The following ZFYVE27 variants were observed in gnomAD, a reference collection of about 807,000 sequenced individuals.
The protein encoded by ZFYVE27 is protrudin.
Under a neutral mutation model 52.8 loss-of-function variants are expected in ZFYVE27, and 36 were observed. The ratio of observed to expected loss-of-function variants is 0.68; its 90% confidence interval spans 0.52 to 0.90. ZFYVE27 has a LOEUF of 0.90. Among genes scored for constraint, ZFYVE27 ranks in the 40% least tolerant of loss-of-function variants. The pLI, the probability that ZFYVE27 is intolerant of heterozygous loss-of-function variation, is 0.00. For synonymous variants in ZFYVE27, 223 were observed against 215.6 expected (o/e 1.03, Z -0.30); for missense variants, 450 against 527.2 (o/e 0.85, Z 1.43).
chr10:97,742,903 G>A (rs879939238), intron 2 of ZFYVE27, among the ~76,000 whole-genome samples, 191 bp from the exon 3 acceptor site: 1 of 152,116 alleles, frequency 6.6e-6, no homozygotes, highest in Admixed American at 6.5e-5. Context: ...CTCACCCCAG[G>A]TGCTAATGTG....
chr10:97,738,719 G>T (rs369781380), intron 2 of ZFYVE27, 45 bp downstream of exon 2: 42 of 1,606,900 alleles, frequency 2.6e-5, no homozygotes, highest in Admixed American at 6.7e-5. Context: ...GCCTTCTGCC[G>T]TCCTGCTCTG....
Position 97,757,721 on chromosome 10 carries a change from C to T in ZFYVE27, c.1169C>T (p.Thr390Ile). Residue 390 changes from threonine (T) to isoleucine (I), a missense_variant and splice_region_variant, in exon 12 of 13, where the codon ACA becomes ATA. By Grantham distance (89) the Thr-to-Ile change is moderately conservative. Coordinates refer to ENST00000684270, the MANE Select transcript of ZFYVE27 (RefSeq NM_001385875.1). ...FKVPKSSMGA[T>I]APEAQRETVF... ...GTGCCCAAGTCCTCCATGGGGGCCACAGGTGAGTGGTGCAGGTGGTGGGAG... is the reference window on the plus strand; with the variant it reads ...GTGCCCAAGTCCTCCATGGGGGCCATAGGTGAGTGGTGCAGGTGGTGGGAG... 1.9e-6 allele frequency: 3 copies of T among 1,614,222 alleles called. No individual in the cohort carries two copies. The highest frequency in any genetic ancestry group is 2.5e-6 in the Non-Finnish European group (3 of 1,180,032).
At chr10:97,752,911 G>C (rs1243924625) in intron 9 of ZFYVE27, 34 bp downstream of exon 9, 1 of 1,613,510 alleles carries the variant, frequency 6.2e-7, no homozygotes, top group Non-Finnish European at 8.5e-7. Context: ...GGCAGGGGCT[G>C]GGCTGGGGAG....
chr10:97,743,228 G>A (rs1590014146), intron 3 of ZFYVE27, 64 bp downstream of exon 3: 1 of 1,563,614 alleles, frequency 6.4e-7, no homozygotes, highest in East Asian at 2.2e-5. Flanking sequence ...ACACCTGGAT[G>A]CAGCCCCACC....
chr10:97,757,555 G>A (rs757011638), intron 11 of ZFYVE27, 87 bp from the exon 12 acceptor site: 15 of 1,460,594 alleles, frequency 1.0e-5, no homozygotes, highest in East Asian at 6.8e-5. Context: ...TCCTTGGGTG[G>A]GATCAGCTGG....
intron 6 of ZFYVE27, among the ~76,000 whole-genome samples, chr10:97,749,870 G>A (rs941994446): frequency 6.6e-6 from 1 of 152,198 alleles, no homozygotes; most frequent in African/African-American, 2.4e-5. Context: ...TGGAAGATGA[G>A]GGAAGGATGT....
At chr10:97,750,008 T>C in intron 6 of ZFYVE27, 1 of 427,798 alleles carries the variant, frequency 2.3e-6, no homozygotes, top group Non-Finnish European at 4.4e-6. Context: ...GGAGAGGCAC[T>C]GAGTCGCAGA....
At chr10:97,756,752 C>T (rs1213852800) in intron 10 of ZFYVE27, among the ~76,000 whole-genome samples, 5 of 152,208 alleles carry the variant, frequency 3.3e-5, no homozygotes. Context: ...AGCATTCTAC[C>T]CTTCATGTCT....
rs1239110255 is a variant in ZFYVE27, at chr10:97,750,365, G to T, written c.699G>T (p.Arg233Ser). 2 of 1,614,138 alleles carry T rather than the reference G, an allele frequency of 1.2e-6. No individual in the cohort carries two copies. Among genetic ancestry groups the T allele is most frequent in the Non-Finnish European group, 1.7e-6 (2 of 1,180,028 alleles). ...AGTACAGGGCATCTCTGCAGCAGAG[G>T]ATGAACCCAAAGCAGGAAGAGCATG... ...VSEYRASLQQ[R>S]MNPKQEEHAF... Residue 233 changes from arginine (R) to serine (S), a missense_variant, in exon 7 of 13, where the codon AGG becomes AGT. By Grantham distance (110) the Arg-to-Ser change is moderately radical. Coordinates refer to ENST00000684270, the MANE Select transcript of ZFYVE27 (RefSeq NM_001385875.1).
chr10:97,757,453 C>A, intron 11 of ZFYVE27, 142 bp downstream of exon 11: 1 of 1,350,696 alleles, frequency 7.4e-7, no homozygotes, highest in Non-Finnish European at 1.1e-6. Flanking sequence ...GTGTGCCCTC[C>A]CCTGCGCCTG....
At chr10:97,751,569 T>C in intron 8 of ZFYVE27, 107 bp downstream of exon 8, 4 of 1,103,108 alleles carry the variant, frequency 3.6e-6, no homozygotes, top group Non-Finnish European at 5.4e-6. Flanking sequence ...AAGCTAAAAC[T>C]TGCTGTGAGC....
At chr10:97,737,616 C>T (rs1308019363) in intron 1 of ZFYVE27, among the ~76,000 whole-genome samples, 4 of 152,242 alleles carry the variant, frequency 2.6e-5, no homozygotes, top group Non-Finnish European at 5.9e-5. Flanking sequence ...TTTGTCCCAT[C>T]CCCTCACCCT....
chr10:97,739,541 A>C (rs1362111768), intron 2 of ZFYVE27, among the ~76,000 whole-genome samples: 1 of 152,070 alleles, frequency 6.6e-6, no homozygotes, highest in Non-Finnish European at 1.5e-5. Context: ...TTTTATCTCT[A>C]AATAAGGACA....
At chr10:97,752,786 A>G in intron 8 of ZFYVE27, 71 bp from the exon 9 acceptor site, 1 of 1,568,734 alleles carries the variant, frequency 6.4e-7, no homozygotes, top group Non-Finnish European at 8.7e-7. Flanking sequence ...GGGCCCCTCC[A>G]GGTAGCTTCT....
intron 4 of ZFYVE27, among the ~76,000 whole-genome samples, chr10:97,745,923 GCCTCACCCCA>G (rs2045207478): frequency 6.6e-6 from 1 of 151,800 alleles, no homozygotes; most frequent in Non-Finnish European, 1.5e-5. Flanking sequence ...AGATGGCTGG[GCCTCACCCCA>G]GAAATTCCGA....
Position 97,759,794 on chromosome 10 carries a change from G to C in ZFYVE27, c.*494G>C. 5.2e-6 allele frequency: 1 copy of C among 194,104 alleles called. No homozygotes were observed. Among genetic ancestry groups the C allele is most frequent in the East Asian group, 1.1e-4 (1 of 8,924 alleles). The allele number at this position is 194,104 out of a possible 1,614,324, so 12.0% of individuals were successfully genotyped here. A position where few individuals can be genotyped will look rare whatever the true frequency, so the allele number is the denominator to read the frequency against. On this transcript the variant is annotated 3_prime_UTR_variant, in exon 13 of 13. Coordinates refer to ENST00000684270, the MANE Select transcript of ZFYVE27 (RefSeq NM_001385875.1). ...GTGCCACACCCCATCTCTGCTGATT[G>C]AATGTCCCTCCAGGCACCAGGATCT... is the stretch of plus-strand genomic sequence containing the variant.
Position 97,738,519 on chromosome 10 carries a change from C to T in ZFYVE27, c.42C>T (p.Ser14=), listed in dbSNP as rs1589978884. The T allele has an allele frequency of 3.1e-6, 5 of 1,614,178 alleles. No homozygotes were observed. In the East Asian group the frequency reaches 8.9e-5, roughly 29 times the overall value. Reference sequence around the variant, plus strand: ...GTGAGGGGAGTGGGCCGGAGCTGAGCCCCAGCGTGATGCCCGAGGCTCCCC... The same window carrying T: ...GTGAGGGGAGTGGGCCGGAGCTGAGTCCCAGCGTGATGCCCGAGGCTCCCC... ...SEREGSGPEL[S]PSVMPEAPLE... Residue 14 remains serine, a synonymous_variant, in exon 2 of 13, where the codon AGC becomes AGT. Coordinates refer to ENST00000684270, the MANE Select transcript of ZFYVE27 (RefSeq NM_001385875.1).
At chr10:97,738,834 ACC>A in intron 2 of ZFYVE27, 160 bp downstream of exon 2, 1 of 758,884 alleles carries the variant, frequency 1.3e-6, no homozygotes, top group Non-Finnish European at 2.3e-6. Context: ...ATCTAGGCCT[ACC>A]CTGTGTCTCA....
chr10:97,742,950 T>C, intron 2 of ZFYVE27, 144 bp from the exon 3 acceptor site: 1 of 859,222 alleles, frequency 1.2e-6, no homozygotes, highest in South Asian at 1.4e-5. Flanking sequence ...CCAGTCCAAG[T>C]GAGAGGCCCC....
Sources: allele counts gnomAD v4.1 joint callset (sites outside exome capture counted in the v4.1 genomes callset), GRCh38; gene constraint gnomAD v4.1.1; transcripts MANE v1.5; gene names NCBI Gene and HGNC (gene_info 2026-07-23, HGNC 2026-07-21).